ENTREP2: variants seen among roughly 807,000 people sequenced by gnomAD.
The protein encoded by ENTREP2 is protein ENTREP2.
the ENTREP2 span, among the ~76,000 whole-genome samples, chr15:29,354,531 CG>C: frequency 6.6e-6 from 1 of 152,092 alleles, no homozygotes; most frequent in Admixed American, 6.5e-5. Flanking sequence ...AATGGAGACA[CG>C]TTCTAAGACA....
At chr15:29,212,850 T>C in the ENTREP2 span, among the ~76,000 whole-genome samples, 10,180 of 152,308 alleles carry the variant, frequency 0.067, 1,173 homozygotes, top group African/African-American at 0.23. Flanking sequence ...GTGTTTTAGA[T>C]GTGAAGTCCT....
chr15:29,151,710 G>A, the ENTREP2 span: 1 of 1,519,252 alleles, frequency 6.6e-7, no homozygotes, highest in Non-Finnish European at 8.9e-7. Flanking sequence ...ACCGCGCAGA[G>A]GAGGAGGGGA....
the ENTREP2 span, among the ~76,000 whole-genome samples, chr15:29,638,133 G>A: frequency 6.6e-6 from 1 of 152,208 alleles, no homozygotes; most frequent in Non-Finnish European, 1.5e-5. Context: ...AGGGGAAAGG[G>A]AAATCAAAAG....
the ENTREP2 span, among the ~76,000 whole-genome samples, chr15:29,558,269 T>A: frequency 6.6e-6 from 1 of 152,076 alleles, no homozygotes; most frequent in Non-Finnish European, 1.5e-5. Flanking sequence ...CTAGCAGGCC[T>A]CTGAAGCCAC....
the ENTREP2 span, among the ~76,000 whole-genome samples, chr15:29,381,148 C>T: frequency 1.3e-5 from 2 of 150,420 alleles, no homozygotes; most frequent in African/African-American, 2.4e-5. Context: ...CGCCAAGCCG[C>T]ATCCACACTT....
the ENTREP2 span, among the ~76,000 whole-genome samples, chr15:29,182,384 G>A: frequency 5.2e-4 from 79 of 151,932 alleles, no homozygotes; most frequent in East Asian, 9.3e-3. Context: ...CTCGGCCTCC[G>A]AAAGTGCTGG....
At chr15:29,480,366 A>C in the ENTREP2 span, among the ~76,000 whole-genome samples, 372 of 138,558 alleles carry the variant, frequency 2.7e-3, 3 homozygotes, top group Admixed American at 5.2e-3. Flanking sequence ...AAAAAAAAAA[A>C]CCCACAAATG....
At chr15:29,444,187 AAAGAAAG>A in the ENTREP2 span, among the ~76,000 whole-genome samples, 3 of 92,460 alleles carry the variant, frequency 3.2e-5, no homozygotes, top group African/African-American at 1.3e-4. Flanking sequence ...AGAAAGAAAG[AAAGAAAG>A]AAAGAAAGAA....
the ENTREP2 span, among the ~76,000 whole-genome samples, chr15:29,523,924 A>G: frequency 1.3e-5 from 2 of 152,184 alleles, no homozygotes; most frequent in East Asian, 3.8e-4. Flanking sequence ...AGGTAAAACT[A>G]TGAAACTCTT....
At chr15:29,207,815 G>T in the ENTREP2 span, among the ~76,000 whole-genome samples, 2 of 152,218 alleles carry the variant, frequency 1.3e-5, no homozygotes, top group African/African-American at 4.8e-5. Flanking sequence ...TCCAGTCCCT[G>T]CCAGGCCTGG....
chr15:29,648,428 G>A, the ENTREP2 span, among the ~76,000 whole-genome samples: 4 of 152,312 alleles, frequency 2.6e-5, no homozygotes, highest in South Asian at 2.1e-4. Flanking sequence ...GCTGTTGTTG[G>A]TCTCTCATGT....
chr15:29,551,856 C>T, the ENTREP2 span, among the ~76,000 whole-genome samples: 1 of 152,282 alleles, frequency 6.6e-6, no homozygotes, highest in Admixed American at 6.5e-5. Flanking sequence ...TCCCTAACAG[C>T]TCCCATCTTA....
At chr15:29,220,263 C>T in the ENTREP2 span, among the ~76,000 whole-genome samples, 3 of 152,152 alleles carry the variant, frequency 2.0e-5, no homozygotes, top group Admixed American at 2.0e-4. Flanking sequence ...TACTAGTTTT[C>T]ATTTAGCGCA....
At chr15:29,201,517 A>C in the ENTREP2 span, among the ~76,000 whole-genome samples, 1 of 152,194 alleles carries the variant, frequency 6.6e-6, no homozygotes, top group Admixed American at 6.5e-5. Flanking sequence ...TTTTTCTCCA[A>C]CAATTGATAC....
chr15:29,415,868 C>T, the ENTREP2 span, among the ~76,000 whole-genome samples: 2 of 151,600 alleles, frequency 1.3e-5, no homozygotes, highest in African/African-American at 4.8e-5. Context: ...AGACAGACAG[C>T]CAAATCATGA....
the ENTREP2 span, among the ~76,000 whole-genome samples, chr15:29,255,581 T>C: frequency 3.5e-4 from 54 of 152,232 alleles, no homozygotes; most frequent in Admixed American, 2.6e-3. Context: ...TTCACCCATA[T>C]GTTCACCACA....
the ENTREP2 span, among the ~76,000 whole-genome samples, chr15:29,338,624 AGCCATCACTTAGATGGCTGGCT>A: frequency 6.6e-6 from 1 of 151,778 alleles, no homozygotes; most frequent in Non-Finnish European, 1.5e-5. Context: ...CTCCTCGGCC[AGCCATCACTTAGATGGCTGGCT>A]GACTGGGTTA....
At chr15:29,524,966 T>C in the ENTREP2 span, among the ~76,000 whole-genome samples, 3 of 152,230 alleles carry the variant, frequency 2.0e-5, no homozygotes, top group Non-Finnish European at 4.4e-5. Context: ...AGGCGATATA[T>C]GATTTCACTA....
chr15:29,136,366 C>G, the ENTREP2 span: 17 of 1,502,486 alleles, frequency 1.1e-5, no homozygotes, highest in Non-Finnish European at 1.2e-5. Flanking sequence ...CAGGCCTCAC[C>G]TGGCTGGCAG....
Sources: gnomAD v4.1 joint callset for allele counts (sites outside exome capture counted in the v4.1 genomes callset) on GRCh38, gnomAD v4.1.1 for gene constraint, MANE v1.5 for transcripts, NCBI Gene and HGNC (gene_info 2026-07-23, HGNC 2026-07-21) for gene names.